Variants in GLCE observed in about 807,000 individuals in gnomAD.
GLCE encodes the protein glucuronic acid epimerase.
Under a neutral mutation model 47.9 loss-of-function variants are expected in GLCE, and 19 were observed. The ratio of observed to expected loss-of-function variants is 0.40; its 90% CI spans 0.28 to 0.58. GLCE has a LOEUF of 0.58. Ranked by LOEUF, GLCE falls within the 20% of genes least tolerant of loss-of-function variation. GLCE has a pLI of 0.48. For missense variants in GLCE, 556 were observed against 743.3 expected, an observed-to-expected ratio of 0.75 and a Z score of 2.93; for synonymous variants, 245 against 263.4, an observed-to-expected ratio of 0.93 and a Z score of 0.68.
intron 4 of GLCE, among the ~76,000 whole-genome samples, chr15:69,266,429 C>G (rs1417942462): frequency 6.6e-6 from 1 of 152,098 alleles, no homozygotes; most frequent in African/African-American, 2.4e-5. Context: ...TGGGCTCAAG[C>G]AGTCCTCCCA....
chr15:69,255,836 T>C lies in GLCE; in HGVS notation c.30T>C (p.Tyr10=). Reference sequence around the variant, plus strand: ...GTTGCTTGGCAGCTCGGGTCAACTATAAGACTTTGATTATTATCTGCGCAC... The same window carrying C: ...GTTGCTTGGCAGCTCGGGTCAACTACAAGACTTTGATTATTATCTGCGCAC... MRCLAARVN[Y]KTLIIICALF... Residue 10 remains tyrosine (Y), a synonymous_variant, in exon 3 of 5, where the codon TAT becomes TAC. Coordinates refer to ENST00000261858, the MANE Select transcript of GLCE (RefSeq NM_015554.3). The C allele has an allele frequency of 1.2e-6, 2 of 1,613,312 alleles. No homozygotes were observed. The highest frequency in any genetic ancestry group is 1.7e-6 in the Non-Finnish European group (2 of 1,179,304).
intron 2 of GLCE, among the ~76,000 whole-genome samples, chr15:69,237,767 AGATG>A (rs1455118798): frequency 6.6e-6 from 1 of 152,224 alleles, no homozygotes; most frequent in East Asian, 1.9e-4. Flanking sequence ...ACTTGGTAAA[AGATG>A]TTTCATAAAA....
At chr15:69,176,600 G>A (rs1207697386) in intron 1 of GLCE, among the ~76,000 whole-genome samples, 1 of 151,936 alleles carries the variant, frequency 6.6e-6, no homozygotes, top group Non-Finnish European at 1.5e-5. Flanking sequence ...TAACATTTTT[G>A]TATAACTTTA....
rs1305554068 is a variant in GLCE, at chr15:69,212,932, C to T, written c.-14+2526C>T. On this transcript the variant is annotated intron_variant, in intron 2 of 4. Transcript: ENST00000261858. Reference sequence around the variant, plus strand: ...TCTTTAAAATGTTAAATAATGTTTTCGAATAATTTGGTTTTTGTACCCATT... The same window carrying T: ...TCTTTAAAATGTTAAATAATGTTTTTGAATAATTTGGTTTTTGTACCCATT... Among the ~76,000 whole-genome samples the T allele has an allele frequency of 2.0e-5, 3 of 151,900 alleles. No individual in the cohort carries two copies. In the East Asian group the frequency reaches 5.8e-4, roughly 29 times the overall value.
In GLCE at chr15:69,269,505, C is replaced by G. The variant is rs2053135766; in HGVS notation, c.*261C>G. 6.5e-6 allele frequency: 3 copies of G among 463,474 alleles called. No individual in the cohort carries two copies. Among genetic ancestry groups the G allele is most frequent in the African/African-American group, 3.9e-5 (2 of 51,452 alleles). 28.7% of individuals were successfully genotyped at this position (463,474 alleles called of 1,614,324 possible). On this transcript the variant is annotated 3_prime_UTR_variant, in exon 5 of 5. Coordinates refer to ENST00000261858, the MANE Select transcript of GLCE (RefSeq NM_015554.3). ...TGCTTCACTTTGCCTTGCCCATCAC[C>G]CTATACAGTTTCGCAGATAGTCTAG... is the stretch of plus-strand genomic sequence containing the variant.
chr15:69,193,829 A>T (rs1566952275), intron 1 of GLCE, among the ~76,000 whole-genome samples: 7 of 152,048 alleles, frequency 4.6e-5, no homozygotes, highest in Admixed American at 4.6e-4. Context: ...GATCACTTTT[A>T]TTACCTAGGG....
At chr15:69,195,549 G>A (rs906617449) in intron 1 of GLCE, among the ~76,000 whole-genome samples, 2 of 152,118 alleles carry the variant, frequency 1.3e-5, no homozygotes, top group African/African-American at 4.8e-5. Flanking sequence ...CATATTGTAT[G>A]TGGATTGTCT....
chr15:69,261,427 C>T, intron 4 of GLCE, 98 bp downstream of exon 4: 2 of 1,158,264 alleles, frequency 1.7e-6, no homozygotes, highest in Non-Finnish European at 2.5e-6. Flanking sequence ...AACACATAAG[C>T]AGACCCTTTA....
chr15:69,247,001 G>C (rs1350806256), intron 2 of GLCE, among the ~76,000 whole-genome samples: 1 of 152,190 alleles, frequency 6.6e-6, no homozygotes, highest in East Asian at 1.9e-4. Context: ...AGTGCAGGAA[G>C]AGTAGATTTA....
chr15:69,221,242 A>G (rs1447565585), intron 2 of GLCE, among the ~76,000 whole-genome samples: 2 of 152,122 alleles, frequency 1.3e-5, no homozygotes, highest in Non-Finnish European at 1.5e-5. Flanking sequence ...TTGAGATTCC[A>G]TGTGGATTTT....
intron 2 of GLCE, among the ~76,000 whole-genome samples, chr15:69,253,581 T>G (rs1421072413): frequency 2.0e-5 from 3 of 152,036 alleles, no homozygotes; most frequent in African/African-American, 7.2e-5. Context: ...GTAAAACTAA[T>G]AAGAAAGAAC....
Position 69,218,985 on chromosome 15 carries a change from T to TCATTTAAACTC in GLCE, c.-14+8579_-14+8580insCATTTAAACTC, listed in dbSNP as rs2052343832. ...ATAGCTGCAAATAATACTTTTAAAC[T>TCATTTAAACTC]GTTTTGTCAATAAACTCATTTTATT... On this transcript the variant is annotated intron_variant, in intron 2 of 4. Coordinates refer to ENST00000261858, the MANE Select transcript of GLCE (RefSeq NM_015554.3). Among the ~76,000 whole-genome samples the TCATTTAAACTC allele has an allele frequency of 2.0e-5, 3 of 152,166 alleles. No individual in the cohort carries two copies. The South Asian group carries it at 6.2e-4, about 31-fold the overall frequency.
chr15:69,271,748 A>G lies in GLCE; in HGVS notation c.*2504A>G, dbSNP rs1246913518. On this transcript the variant is annotated 3_prime_UTR_variant, in exon 5 of 5. Transcript: ENST00000261858. ...TGTAAAACCAGCCAAAAGTTTCTGG[A>G]TGAAGGTCAAGTTTGACCTTTTAGG... The G allele has an allele frequency of 6.6e-6, 1 of 152,536 alleles. No individual in the cohort carries two copies. The highest frequency in any genetic ancestry group is 1.5e-5 in the Non-Finnish European group (1 of 68,040). The allele number at this position is 152,536 out of a possible 1,614,324, so 9.4% of individuals were successfully genotyped here.
At chr15:69,211,697 A>G (rs1433488157) in intron 2 of GLCE, among the ~76,000 whole-genome samples, 2 of 152,006 alleles carry the variant, frequency 1.3e-5, no homozygotes, top group African/African-American at 4.8e-5. Flanking sequence ...AACCAATATC[A>G]TAAAGGAATT....
chr15:69,221,560 TTAAC>T (rs1169116529), intron 2 of GLCE, among the ~76,000 whole-genome samples: 3 of 89,404 alleles, frequency 3.4e-5, no homozygotes, highest in African/African-American at 9.3e-5. Context: ...TATATAGAAA[TTAAC>T]TAATTAAAAA....
chr15:69,242,536 T>G (rs1236225688), intron 2 of GLCE, among the ~76,000 whole-genome samples: 1 of 152,118 alleles, frequency 6.6e-6, no homozygotes, highest in Non-Finnish European at 1.5e-5. Flanking sequence ...TTGAATTTAG[T>G]CTGTTCATTA....
chr15:69,254,004 A>T (rs1406687449), intron 2 of GLCE, among the ~76,000 whole-genome samples: 1 of 152,198 alleles, frequency 6.6e-6, no homozygotes, highest in Non-Finnish European at 1.5e-5. Flanking sequence ...CTTCCATTGG[A>T]AGTAAAAGAA....
chr15:69,248,955 C>G (rs1257308328), intron 2 of GLCE, among the ~76,000 whole-genome samples: 1 of 152,064 alleles, frequency 6.6e-6, no homozygotes, highest in African/African-American at 2.4e-5. Flanking sequence ...AACCCCAGCC[C>G]TCATGGAATT....
At chr15:69,198,094 C>A (rs2052021924) in intron 1 of GLCE, among the ~76,000 whole-genome samples, 1 of 151,892 alleles carries the variant, frequency 6.6e-6, no homozygotes, top group African/African-American at 2.4e-5. Context: ...TGTACCTTAC[C>A]CCTCACATGT....
Sources: gnomAD v4.1 joint callset for allele counts (sites outside exome capture counted in the v4.1 genomes callset) on GRCh38, gnomAD v4.1.1 for gene constraint, MANE v1.5 for transcripts, NCBI Gene and HGNC (gene_info 2026-07-23, HGNC 2026-07-21) for gene names.